ANK2: variants seen among roughly 807,000 people sequenced by gnomAD.
ANK2 encodes ankyrin-2.
In ANK2, 83 loss-of-function variants were observed where a neutral mutation model predicts 360.5. The ratio of observed to expected loss-of-function variants is 0.23; its 90% CI spans 0.19 to 0.28. The LOEUF (loss-of-function observed/expected upper bound fraction) is 0.28, where lower values mean the gene tolerates loss of function less well. Among genes scored for constraint, ANK2 ranks in the 10% least tolerant of loss-of-function variants. The pLI is 1.00. For missense variants in ANK2, 4,201 were observed against 4,795.7 expected, an observed-to-expected ratio of 0.88 and a Z score of 3.66; for synonymous variants, 1,740 against 1,759.5, an observed-to-expected ratio of 0.99 and a Z score of 0.28.
chr4:113,196,326 CA>C (rs767873999), intron 2 of ANK2, 41 bp from the exon 3 acceptor site: 1 of 1,507,414 alleles, frequency 6.6e-7, no homozygotes, highest in Non-Finnish European at 9.2e-7. Flanking sequence ...CTATTTTCCT[CA>C]TTACTTCACT....
In ANK2 at chr4:113,354,454, G is replaced by T. The variant is rs200333546; in HGVS notation, c.5836G>T (p.Asp1946Tyr). ...GCCTGTTTCACCCTCCGGAAGAACG[G>T]ACAAGCACCAACCTGTATCAACAGC... Reference protein sequence around the residue: ...RLPVSPSGRTDKHQPVSTAGK... With the variant: ...RLPVSPSGRTYKHQPVSTAGK... The change falls in exon 38 of 46, where the codon GAC (aspartate) becomes TAC (tyrosine). Residue 1946 changes from aspartate to tyrosine, a missense_variant. Coordinates refer to ENST00000357077, the MANE Select transcript of ANK2 (RefSeq NM_001148.6). 3 of 1,614,070 alleles carry T rather than the reference G, an allele frequency of 1.9e-6. No individual in the cohort carries two copies. The highest frequency in any genetic ancestry group is 2.5e-6 in the Non-Finnish European group (3 of 1,179,994).
intron 1 of ANK2, among the ~76,000 whole-genome samples, chr4:112,890,655 C>T (rs924943850): frequency 6.7e-6 from 1 of 149,034 alleles, no homozygotes; most frequent in Admixed American, 6.8e-5. Context: ...GCAACCTCCG[C>T]CTCCCAGGTT....
At chr4:112,988,874 G>A (rs537706937) in intron 2 of ANK2, among the ~76,000 whole-genome samples, 7 of 150,880 alleles carry the variant, frequency 4.6e-5, no homozygotes, top group South Asian at 2.1e-4. Context: ...ATATGTAAGC[G>A]TTTTCTGGGT....
intron 2 of ANK2, among the ~76,000 whole-genome samples, chr4:112,907,260 C>G (rs2085550854): frequency 6.6e-6 from 1 of 152,116 alleles, no homozygotes; most frequent in Non-Finnish European, 1.5e-5. Context: ...GTTAATATGT[C>G]CATTTAACTA....
intron 1 of ANK2, among the ~76,000 whole-genome samples, chr4:112,887,840 T>A (rs2078857283): frequency 6.6e-6 from 1 of 152,168 alleles, no homozygotes; most frequent in Non-Finnish European, 1.5e-5. Context: ...GCCAGAGACA[T>A]GGTTTAATAT....
At chr4:112,934,149 T>C (rs2093520573) in intron 2 of ANK2, among the ~76,000 whole-genome samples, 2 of 152,212 alleles carry the variant, frequency 1.3e-5, no homozygotes, top group Admixed American at 6.5e-5. Flanking sequence ...GACCAATTTA[T>C]GAGAGAATAA....
chr4:113,087,644 T>A (rs1167621867), intron 1 of ANK2, among the ~76,000 whole-genome samples: 2 of 152,110 alleles, frequency 1.3e-5, no homozygotes, highest in Non-Finnish European at 2.9e-5. Context: ...ACTTTAATTT[T>A]TGGTCTTTGA....
chr4:113,149,980 A>G (rs1389378270), intron 1 of ANK2, among the ~76,000 whole-genome samples: 1 of 151,654 alleles, frequency 6.6e-6, no homozygotes, highest in South Asian at 2.1e-4. Context: ...GCTTACCCAC[A>G]TGTAATCAAT....
chr4:113,246,138 T>A (rs1317147919), intron 9 of ANK2, among the ~76,000 whole-genome samples: 1 of 152,220 alleles, frequency 6.6e-6, no homozygotes, highest in Non-Finnish European at 1.5e-5. Flanking sequence ...GTTGTTGTTG[T>A]TGTTGTTGAC....
At chr4:113,135,733 T>TGA (rs762197502) in intron 1 of ANK2, among the ~76,000 whole-genome samples, 66 of 152,190 alleles carry the variant, frequency 4.3e-4, no homozygotes, top group Non-Finnish European at 7.5e-4. Flanking sequence ...TGGCTACTGA[T>TGA]GCTTTTGTGG....
At chr4:112,919,533 T>C (rs1161837372) in intron 2 of ANK2, among the ~76,000 whole-genome samples, 1 of 152,144 alleles carries the variant, frequency 6.6e-6, no homozygotes, top group Non-Finnish European at 1.5e-5. Flanking sequence ...TTATTTTTAA[T>C]GTGCCTAAGT....
Position 113,356,894 on chromosome 4 carries a change from A to G in ANK2, c.8276A>G (p.Tyr2759Cys). 6.2e-7 allele frequency: 1 copy of G among 1,614,070 alleles called. No individual in the cohort carries two copies. Among genetic ancestry groups the G allele is most frequent in the Admixed American group, 1.7e-5 (1 of 60,028 alleles). ...TCCACTGAGGCTGAAGACAGGTCTT[A>G]TGATAAGCTAAACAGAGACACTGAT... Reference protein sequence around the residue: ...AVSTEAEDRSYDKLNRDTDQP... With the variant: ...AVSTEAEDRSCDKLNRDTDQP... The change falls in exon 38 of 46, where the codon TAT becomes TGT. Residue 2759 changes from tyrosine to cysteine, a missense_variant. Tyr to Cys is a radical substitution (Grantham distance 194). Around this residue, in one of 4 missense-constraint regions of ANK2, gnomAD observed 2,642 missense variants for 2,714.5 expected, o/e 0.97. Coordinates refer to ENST00000357077, the MANE Select transcript of ANK2 (RefSeq NM_001148.6).
Position 113,355,944 on chromosome 4 carries a change from G to A in ANK2, c.7326G>A (p.Val2442=). The change falls in exon 38 of 46, where the codon GTG becomes GTA. Residue 2442 remains valine (V), a synonymous_variant. Transcript: ENST00000357077. ...AAGACTCTCTGGAAGCCAGCCCTGT[G>A]CTAGAAGATAACTCTTCACACAAAA... ...SHKDSLEASP[V]LEDNSSHKTP... The A allele has an allele frequency of 6.2e-7, 1 of 1,614,064 alleles. No individual in the cohort carries two copies. The highest frequency in any genetic ancestry group is 8.5e-7 in the Non-Finnish European group (1 of 1,179,962).
the ANK2 span, among the ~76,000 whole-genome samples, chr4:112,765,907 C>G: frequency 6.6e-6 from 1 of 152,152 alleles, no homozygotes; most frequent in Non-Finnish European, 1.5e-5. Context: ...GAATCATCCT[C>G]AACAACTAAG....
the ANK2 span, among the ~76,000 whole-genome samples, chr4:112,720,866 T>C: frequency 6.6e-6 from 1 of 152,230 alleles, no homozygotes; most frequent in South Asian, 2.1e-4. Flanking sequence ...AAACCTTACA[T>C]TGGCCATGAC....
chr4:112,945,407 G>A (rs1033864979), intron 2 of ANK2, among the ~76,000 whole-genome samples: 1 of 152,144 alleles, frequency 6.6e-6, no homozygotes, highest in Non-Finnish European at 1.5e-5. Context: ...GATTTTAAAA[G>A]TAATAATTAG....
At chr4:113,071,869 C>T (rs1343883702) in intron 1 of ANK2, 5 of 152,192 alleles carry the variant, frequency 3.3e-5, no homozygotes, top group Non-Finnish European at 5.9e-5. Context: ...CCTCAGGAAA[C>T]TTATAATCAT....
intron 10 of ANK2, among the ~76,000 whole-genome samples, chr4:113,251,475 C>CTTTTTTTTTT (rs1167630240): frequency 3.4e-5 from 3 of 88,098 alleles, no homozygotes; most frequent in African/African-American, 4.6e-5. Context: ...AATACAAAAT[C>CTTTTTTTTTT]TTTTTTTTTT....
At chr4:113,214,709 T>A in intron 4 of ANK2, among the ~76,000 whole-genome samples, 1 of 152,190 alleles carries the variant, frequency 6.6e-6, no homozygotes, top group East Asian at 1.9e-4. Flanking sequence ...ATATCCTATC[T>A]GAAATTAGAC....
Sources: allele counts gnomAD v4.1 joint callset (sites outside exome capture counted in the v4.1 genomes callset), GRCh38; gene constraint gnomAD v4.1.1; regional missense constraint gnomAD v4.1.1; transcripts MANE v1.5; gene names NCBI Gene and HGNC (gene_info 2026-07-23, HGNC 2026-07-21).